The following POLR1B variants were observed in gnomAD, a reference collection of about 807,000 sequenced individuals.
POLR1B encodes the protein DNA-directed RNA polymerase I subunit RPA2.
Under a neutral mutation model 105.8 loss-of-function variants are expected in POLR1B, and 30 were observed. The ratio of observed to expected loss-of-function variants is 0.28; its 90% CI spans 0.21 to 0.38. The LOEUF is 0.38. Ranked by LOEUF, POLR1B falls within the 10% of genes least tolerant of loss-of-function variation. The pLI is 1.00. For missense variants in POLR1B, 976 were observed against 1,435.8 expected (o/e 0.68, Z 5.17); for synonymous variants, 485 against 505.1 (o/e 0.96, Z 0.53).
At chr2:112,551,429 G>C (rs1189462813) in intron 5 of POLR1B, among the ~76,000 whole-genome samples, 1 of 152,190 alleles carries the variant, frequency 6.6e-6, no homozygotes, top group Non-Finnish European at 1.5e-5. Context: ...AGAACAGAGA[G>C]CAGAAGATGC....
chr2:112,551,246 A>G (rs989783541), intron 5 of POLR1B, among the ~76,000 whole-genome samples: 1 of 152,192 alleles, frequency 6.6e-6, no homozygotes, highest in Non-Finnish European at 1.5e-5. Flanking sequence ...AGGAGGTTGC[A>G]TGGAGATGTC....
chr2:112,563,457 CCA>C, intron 9 of POLR1B, among the ~76,000 whole-genome samples: 1 of 152,290 alleles, frequency 6.6e-6, no homozygotes, highest in East Asian at 1.9e-4. Context: ...AGCATTTTAC[CCA>C]CAGAGGAGAT....
intron 5 of POLR1B, among the ~76,000 whole-genome samples, chr2:112,551,559 G>A (rs763326548): frequency 6.6e-6 from 1 of 152,192 alleles, no homozygotes; most frequent in African/African-American, 2.4e-5. Context: ...GAAACTACAC[G>A]TTTGTGAACA....
At chr2:112,557,516 T>C (rs1356565246) in intron 7 of POLR1B, among the ~76,000 whole-genome samples, 2 of 152,238 alleles carry the variant, frequency 1.3e-5, no homozygotes, top group Non-Finnish European at 2.9e-5. Flanking sequence ...TAGTAGACGT[T>C]TGTTAAAGAT....
At position 112,567,319 on chromosome 2, in the gene POLR1B, G is replaced by T. The variant is rs553056629; in HGVS notation, c.1747-648G>T. Among the ~76,000 whole-genome samples, 406 of 151,704 alleles carry T rather than the reference G, an allele frequency of 2.7e-3. 1 individual carries two copies. The highest frequency in any genetic ancestry group is 9.1e-3 in the African/African-American group (376 of 41,398). On this transcript the variant is annotated intron_variant, in intron 10 of 14. Coordinates refer to ENST00000263331, the MANE Select transcript of POLR1B (RefSeq NM_019014.6). ...GTTTGTTGTTGTTGTTGTTGTTGTT[G>T]TTGTTTTCAGGTTTCTGTAATTTAG...
rs1475145540 is a variant in POLR1B, at chr2:112,573,568, A to C, written c.2278A>C (p.Asn760His). The C allele has an allele frequency of 1.9e-6, 3 of 1,612,758 alleles. No individual in the cohort carries two copies. The highest frequency in any genetic ancestry group is 1.1e-5 in the South Asian group (1 of 90,878). ...GYDMEDAMIV[N>H]KASWERGFAH... ...CGATTCTTTTACTTCACAGATTGTGAATAAGGCCTCTTGGGAACGAGGCTT... is the reference window on the plus strand; with the variant it reads ...CGATTCTTTTACTTCACAGATTGTGCATAAGGCCTCTTGGGAACGAGGCTT... Residue 760 changes from asparagine (N) to histidine (H), a missense_variant, in exon 14 of 15, where the codon AAT (asparagine) becomes CAT (histidine). Physicochemically the swap from Asn to His is moderately conservative, Grantham distance 68. This residue lies in a region of POLR1B where 119 missense variants were observed against 149.7 expected (regional missense o/e 0.79). Transcript: ENST00000263331.
rs992269171 is a variant in POLR1B, at chr2:112,578,755, T to C, written c.*3026T>C. Among the ~76,000 whole-genome samples the C allele has an allele frequency of 6.6e-6, 1 of 152,184 alleles. No individual in the cohort carries two copies. Among genetic ancestry groups the C allele is most frequent in the Non-Finnish European group, 1.5e-5 (1 of 68,036 alleles). ...TATGTGCTATATGTACTATATGTCC[T>C]CTATATATTTTTTCTATACATACAT... is the stretch of plus-strand genomic sequence containing the variant. On this transcript the variant is annotated 3_prime_UTR_variant, in exon 15 of 15. Coordinates refer to ENST00000263331, the MANE Select transcript of POLR1B (RefSeq NM_019014.6).
chr2:112,564,238 A>G, intron 9 of POLR1B, 128 bp from the exon 10 acceptor site: 1 of 1,109,458 alleles, frequency 9.0e-7, no homozygotes, highest in Non-Finnish European at 1.3e-6. Flanking sequence ...TAATGCCTGT[A>G]CCTGTTTTAG....
intron 12 of POLR1B, among the ~76,000 whole-genome samples, chr2:112,571,345 G>C (rs1038479553): frequency 6.6e-6 from 1 of 152,128 alleles, no homozygotes; most frequent in African/African-American, 2.4e-5. Context: ...GATCCTGTTA[G>C]GGTCCTCTGA....
intron 5 of POLR1B, 104 bp downstream of exon 5, chr2:112,551,106 T>C: frequency 8.8e-7 from 1 of 1,142,178 alleles, no homozygotes. Context: ...ACTGTACTAG[T>C]TGTCTACTGC....
Position 112,550,851 on chromosome 2 carries a change from T to C in POLR1B, c.626-15T>C, listed in dbSNP as rs2104518529. 6.2e-7 allele frequency: 1 copy of C among 1,609,904 alleles called. No individual in the cohort carries two copies. Among genetic ancestry groups the C allele is most frequent in the Middle Eastern group, 1.7e-4 (1 of 6,040 alleles). Reference sequence around the variant, plus strand: ...ATCAATGAGTTTCTGATTTTTTTGTTGTTTGGTTCAATAGGAGTTTCAATG... The same window carrying C: ...ATCAATGAGTTTCTGATTTTTTTGTCGTTTGGTTCAATAGGAGTTTCAATG... On this transcript the variant is annotated splice_polypyrimidine_tract_variant and intron_variant, in intron 4 of 14. Coordinates refer to ENST00000263331, the MANE Select transcript of POLR1B (RefSeq NM_019014.6).
At chr2:112,570,614 C>T (rs933895833) in intron 12 of POLR1B, among the ~76,000 whole-genome samples, 2 of 152,068 alleles carry the variant, frequency 1.3e-5, no homozygotes, top group Non-Finnish European at 1.5e-5. Context: ...GTACTGTCTA[C>T]AGTTGTAAGA....
chr2:112,554,816 G>A (rs1207176798), intron 7 of POLR1B, among the ~76,000 whole-genome samples: 1 of 152,080 alleles, frequency 6.6e-6, no homozygotes, highest in Non-Finnish European at 1.5e-5. Flanking sequence ...TGAGGCAGAA[G>A]GGTAACTTGA....
In POLR1B at chr2:112,552,771, C is replaced by T; in HGVS notation, c.1113C>T (p.Asn371=). ...CMEDNPDSLV[N]QEVLTPGQLF... ...AGGACAATCCTGATAGTTTGGTGAACCAGGAAGTCCTCACACCGGGTCAGC... is the reference window on the plus strand; with the variant it reads ...AGGACAATCCTGATAGTTTGGTGAATCAGGAAGTCCTCACACCGGGTCAGC... Residue 371 remains asparagine (N), a synonymous_variant, in exon 7 of 15, where the codon AAC becomes AAT. Transcript: ENST00000263331. 2 of 1,607,978 alleles carry T rather than the reference C, an allele frequency of 1.2e-6. No homozygotes were observed. The highest frequency in any genetic ancestry group is 3.4e-5 in the Admixed American group (2 of 58,788).
chr2:112,559,356 A>G lies in POLR1B; in HGVS notation c.1394A>G (p.Tyr465Cys), dbSNP rs781261564. The change falls in exon 9 of 15, where the codon TAC (tyrosine) becomes TGC (cysteine). Residue 465 changes from tyrosine (Y) to cysteine (C), a missense_variant. Physicochemically the swap from Tyr to Cys is radical, Grantham distance 194 (BLOSUM62 -2). Transcript: ENST00000263331. ...VVADKLNFIRYLSHFRCVHRG... is the reference protein window; with the variant it reads ...VVADKLNFIRCLSHFRCVHRG... ...GCTGACAAGCTGAACTTCATACGCT[A>G]CCTCTCCCATTTCCGCTGCGTGCAC... 1.2e-6 allele frequency: 2 copies of G among 1,614,080 alleles called. No homozygotes were observed. Among genetic ancestry groups the G allele is most frequent in the East Asian group, 2.2e-5 (1 of 44,880 alleles).
In POLR1B at chr2:112,558,048, C is replaced by G; in HGVS notation, c.1297C>G (p.Leu433Val). ...AGACCTTACAAAACCATTTGAATAC[C>G]TTTTTGCTACTGGGAATCTGCGTTC... ...GIDLTKPFEY[L>V]FATGNLRSKT... is the part of the protein sequence containing the mutation. The change falls in exon 8 of 15, where the codon CTT becomes GTT. Residue 433 changes from leucine (L) to valine (V), a missense_variant. By Grantham distance (32) the Leu-to-Val change is conservative. Around this residue, in one of 12 missense-constraint regions of POLR1B, gnomAD observed 452 missense variants for 616.5 expected, o/e 0.73. Transcript: ENST00000263331. The G allele has an allele frequency of 7.4e-7, 1 of 1,352,336 alleles. No homozygotes were observed. Among genetic ancestry groups the G allele is most frequent in the Non-Finnish European group, 9.6e-7 (1 of 1,040,398 alleles). The allele number at this position is 1,352,336 out of a possible 1,614,324, so 83.8% of individuals were successfully genotyped here.
At position 112,578,147 on chromosome 2, in the gene POLR1B, A is replaced by G. The variant is rs940809419; in HGVS notation, c.*2418A>G. On this transcript the variant is annotated 3_prime_UTR_variant, in exon 15 of 15. Coordinates refer to ENST00000263331, the MANE Select transcript of POLR1B (RefSeq NM_019014.6). ...TTCACCACTAAGAAATTGGCATTGG[A>G]ACAGTCCACAGAGCTTATTCAAATT... Among the ~76,000 whole-genome samples the G allele has an allele frequency of 2.0e-5, 3 of 152,180 alleles. No homozygotes were observed. Among genetic ancestry groups the G allele is most frequent in the African/African-American group, 2.4e-5 (1 of 41,450 alleles).
In POLR1B at chr2:112,557,973, A is replaced by G. The variant is rs1292140078; in HGVS notation, c.1222A>G (p.Ser408Gly). ...TTTTGATAAGAAGGCTCAGAAGACC[A>G]GTGTTTCCATGAACACTGACAATTT... Reference protein sequence around the residue: ...IAFDKKAQKTSVSMNTDNLMR... With the variant: ...IAFDKKAQKTGVSMNTDNLMR... Residue 408 changes from serine (S) to glycine (G), a missense_variant, in exon 8 of 15, where the codon AGT (serine) becomes GGT (glycine). By Grantham distance (56) the Ser-to-Gly change is moderately conservative. Around this residue, in one of 12 missense-constraint regions of POLR1B, gnomAD observed 452 missense variants for 616.5 expected, o/e 0.73. Transcript: ENST00000263331. 6.4e-6 allele frequency: 9 copies of G among 1,417,318 alleles called. 1 individual carries two copies. Among genetic ancestry groups the G allele is most frequent in the Non-Finnish European group, 8.4e-6 (9 of 1,071,610 alleles). The allele number at this position is 1,417,318 out of a possible 1,614,324, so 87.8% of individuals were successfully genotyped here. A position where few individuals can be genotyped will look rare whatever the true frequency, so the allele number is the denominator to read the frequency against.
At chr2:112,568,452 G>A (rs541960234) in intron 11 of POLR1B, among the ~76,000 whole-genome samples, 30 of 152,316 alleles carry the variant, frequency 2.0e-4, no homozygotes, top group African/African-American at 7.2e-4. Flanking sequence ...TTCACACTCA[G>A]TCTTTGCCTA....
Sources: allele counts gnomAD v4.1 joint callset (sites outside exome capture counted in the v4.1 genomes callset), GRCh38; gene constraint gnomAD v4.1.1; regional missense constraint gnomAD v4.1.1; transcripts MANE v1.5; gene names NCBI Gene and HGNC (gene_info 2026-07-23, HGNC 2026-07-21).